Variants in KMT2A observed in about 807,000 individuals in gnomAD.
KMT2A encodes histone-lysine N-methyltransferase 2A.
A neutral mutation model predicts 345.3 loss-of-function variants in KMT2A; 16 were observed. That is an observed-to-expected ratio of 0.05 (90% CI 0.03 to 0.07). The LOEUF is 0.07. Ranked by LOEUF, KMT2A falls within the 10% of genes least tolerant of loss-of-function variation. The pLI, the probability that KMT2A is intolerant of heterozygous loss-of-function variation, is 1.00. For synonymous variants in KMT2A, 1,599 were observed against 1,778.6 expected (o/e 0.90, Z 2.54); for missense variants, 3,272 against 4,841.6 (o/e 0.68, Z 9.62).
chr11:118,517,288 C>T (rs1008034469), intron 31 of KMT2A, among the ~76,000 whole-genome samples: 8 of 148,200 alleles, frequency 5.4e-5, no homozygotes, highest in Non-Finnish European at 8.9e-5. Context: ...CCCAGCTACT[C>T]GGGAGGCTGA....
intron 1 of KMT2A, among the ~76,000 whole-genome samples, chr11:118,457,043 G>A (rs535839795): frequency 3.9e-5 from 6 of 151,982 alleles, no homozygotes; most frequent in African/African-American, 9.7e-5. Context: ...CCCTTAATCC[G>A]TATGGCCACT....
At chr11:118,463,058 T>C (rs1555033183) in intron 1 of KMT2A, among the ~76,000 whole-genome samples, 1 of 152,204 alleles carries the variant, frequency 6.6e-6, no homozygotes, top group African/African-American at 2.4e-5. Flanking sequence ...GTTTGAAATA[T>C]ATAAAAATGA....
Position 118,492,446 on chromosome 11 carries a change from G to A in KMT2A, c.5004+518G>A, listed in dbSNP as rs188680136. 7.2e-5 allele frequency among the ~76,000 whole-genome samples: 11 copies of A among 152,348 alleles called. No individual in the cohort carries two copies. The East Asian group carries it at 1.7e-3, about 24-fold the overall frequency. Reference sequence around the variant, plus strand: ...TGTAATCCCAGCACTTCGGGAGGCCGAGGCGGGCGGATCACGAGGTCAGGA... The same window carrying A: ...TGTAATCCCAGCACTTCGGGAGGCCAAGGCGGGCGGATCACGAGGTCAGGA... On this transcript the variant is annotated intron_variant, in intron 15 of 35. Coordinates refer to ENST00000534358, the MANE Select transcript of KMT2A (RefSeq NM_001197104.2).
intron 24 of KMT2A, 88 bp downstream of exon 24, chr11:118,500,001 T>G: frequency 2.4e-6 from 2 of 822,004 alleles, no homozygotes; most frequent in Non-Finnish European, 4.1e-6. Context: ...GAGGCATACC[T>G]GTTAGCTACT....
intron 1 of KMT2A, among the ~76,000 whole-genome samples, chr11:118,457,806 G>C (rs1285689284): frequency 6.6e-6 from 1 of 150,520 alleles, no homozygotes; most frequent in Non-Finnish European, 1.5e-5. Flanking sequence ...CTTTCTCCTT[G>C]AGTGGGTTAA....
At chr11:118,467,997 TAAAC>T (rs1555034524) in intron 1 of KMT2A, among the ~76,000 whole-genome samples, 2 of 152,170 alleles carry the variant, frequency 1.3e-5, no homozygotes, top group Non-Finnish European at 2.9e-5. Flanking sequence ...CAAAATAGGT[TAAAC>T]AAATCCTTTT....
chr11:118,482,360 G>T, intron 7 of KMT2A, 62 bp from the exon 8 acceptor site: 1 of 1,144,260 alleles, frequency 8.7e-7, no homozygotes, highest in Non-Finnish European at 1.3e-6. Flanking sequence ...TTCTTCACAG[G>T]TCAGTCAGTA....
At chr11:118,517,832 C>A (rs1404501837) in intron 31 of KMT2A, among the ~76,000 whole-genome samples, 2 of 152,286 alleles carry the variant, frequency 1.3e-5, no homozygotes, top group East Asian at 3.9e-4. Context: ...AAAGTGAAAC[C>A]TGTCTCTTAG....
intron 1 of KMT2A, among the ~76,000 whole-genome samples, chr11:118,453,856 C>G (rs954932002): frequency 3.9e-5 from 6 of 152,194 alleles, no homozygotes; most frequent in Non-Finnish European, 8.8e-5. Context: ...CTCTTACTTA[C>G]CATATCTAAA....
chr11:118,506,134 A>C lies in KMT2A; in HGVS notation c.10242A>C (p.Thr3414=), dbSNP rs1555048239. ...CAGGAATGTTTCCACAACTGGGGAC[A>C]TCACAGACCCCCTCTACTGCTGCAA... ...PSSGMFPQLG[T]SQTPSTAAIT... Residue 3414 remains threonine (T), a synonymous_variant, in exon 27 of 36, where the codon ACA becomes ACC. Coordinates refer to ENST00000534358, the MANE Select transcript of KMT2A (RefSeq NM_001197104.2). 1 of 1,614,190 alleles carries C rather than the reference A, an allele frequency of 6.2e-7. No individual in the cohort carries two copies. The highest frequency in any genetic ancestry group is 1.1e-5 in the South Asian group (1 of 91,088).
rs1407680791 is a variant in KMT2A at position 118,522,822 on chromosome 11, G to A, written c.*650G>A. The stretch of plus-strand genomic sequence containing the variant: ...TTGAGTGGGAGTGTTGCCCCCAGGA[G>A]CCTTATCTCAGCCAATTACCTTTCT... On this transcript the variant is annotated 3_prime_UTR_variant, in exon 36 of 36. Coordinates refer to ENST00000534358, the MANE Select transcript of KMT2A (RefSeq NM_001197104.2). This position sits in a 1 kb window ranked among gnomAD's most constrained non-coding sequence, Gnocchi z 5.4. 1.8e-5 allele frequency: 4 copies of A among 216,456 alleles called. No homozygotes were observed. The highest frequency in any genetic ancestry group is 3.7e-5 in the Non-Finnish European group (4 of 107,314). 13.4% of individuals were successfully genotyped at this position (216,456 alleles called of 1,614,324 possible). A position where few individuals can be genotyped will look rare whatever the true frequency, so the allele number is the denominator to read the frequency against.
In KMT2A at chr11:118,526,777, CTTTTT is replaced by C. The variant is rs1176366797; in HGVS notation, c.*4609_*4613del. Reference sequence around the variant, plus strand: ...TTTAAACATGTTTATTTTCTATGCACTTTTTTTTATTTAAGTGATAGTTTAATTAA... The same window carrying C: ...TTTAAACATGTTTATTTTCTATGCACTTTATTTAAGTGATAGTTTAATTAA... On this transcript the variant is annotated 3_prime_UTR_variant, in exon 36 of 36. Coordinates refer to ENST00000534358, the MANE Select transcript of KMT2A (RefSeq NM_001197104.2). 3 of 224,812 alleles carry C rather than the reference CTTTTT, an allele frequency of 1.3e-5. No individual in the cohort carries two copies. Among genetic ancestry groups the C allele is most frequent in the Admixed American group, 5.7e-5 (1 of 17,486 alleles). 13.9% of individuals were successfully genotyped at this position (224,812 alleles called of 1,614,324 possible).
chr11:118,465,462 T>C (rs1480258655), intron 1 of KMT2A, among the ~76,000 whole-genome samples: 2 of 152,232 alleles, frequency 1.3e-5, no homozygotes. Flanking sequence ...TCCATGAACC[T>C]TTTGAAGTCC....
Position 118,494,602 on chromosome 11 carries a change from C to A in KMT2A, c.5290-92C>A. 2.6e-6 allele frequency: 3 copies of A among 1,136,910 alleles called. No homozygotes were observed. The highest frequency in any genetic ancestry group is 3.9e-6 in the Non-Finnish European group (3 of 778,750). The allele number at this position is 1,136,910 out of a possible 1,614,324, so 70.4% of individuals were successfully genotyped here. On this transcript the variant is annotated intron_variant, in intron 17 of 35. Coordinates refer to ENST00000534358, the MANE Select transcript of KMT2A (RefSeq NM_001197104.2). This position sits in a 1 kb window ranked among gnomAD's most constrained non-coding sequence, Gnocchi z 5.8. ...TTTCTCTTGGTGGCCTGAAATTATC[C>A]TCGTATTAACAGAGAAGCTGGTTTG... is the stretch of plus-strand genomic sequence containing the variant.
Position 118,436,534 on chromosome 11 carries a change from C to T in KMT2A, c.22C>T (p.Arg8Cys), listed in dbSNP as rs2134151935. Residue 8 changes from arginine to cysteine, a missense_variant, in exon 1 of 36, where the codon CGC becomes TGC. By Grantham distance (180) the Arg-to-Cys change is radical. Coordinates refer to ENST00000534358, the MANE Select transcript of KMT2A (RefSeq NM_001197104.2). This position sits in a 1 kb window ranked among gnomAD's most constrained non-coding sequence, Gnocchi z 6.9. MAHSCRW[R>C]FPARPGTTGG... ...GAACATGGCGCACAGCTGTCGGTGG[C>T]GCTTCCCCGCCCGACCCGGGACCAC... 1 of 1,253,212 alleles carries T rather than the reference C, an allele frequency of 8.0e-7. No individual in the cohort carries two copies. 77.6% of individuals were successfully genotyped at this position (1,253,212 alleles called of 1,614,324 possible).
chr11:118,468,826 C>T lies in KMT2A; in HGVS notation c.484C>T (p.Pro162Ser). ...AGATGAAGAAGTCAGAGTGCGAAGTCCCACAAGGTCTCCTTCAGGTACGGC... is the reference window on the plus strand; with the variant it reads ...AGATGAAGAAGTCAGAGTGCGAAGTTCCACAAGGTCTCCTTCAGGTACGGC... The part of the protein sequence containing the change: ...GSDEEVRVRS[P>S]TRSPSVKTSP... The change falls in exon 2 of 36, where the codon CCC (proline) becomes TCC (serine). Residue 162 changes from proline (P) to serine (S), a missense_variant. Physicochemically the swap from Pro to Ser is moderately conservative, Grantham distance 74 (BLOSUM62 -1). Coordinates refer to ENST00000534358, the MANE Select transcript of KMT2A (RefSeq NM_001197104.2). 2 of 1,613,020 alleles carry T rather than the reference C, an allele frequency of 1.2e-6. No individual in the cohort carries two copies. The highest frequency in any genetic ancestry group is 1.7e-6 in the Non-Finnish European group (2 of 1,179,278).
In KMT2A at chr11:118,436,559, C is replaced by G; in HGVS notation, c.47C>G (p.Thr16Ser). Residue 16 changes from threonine to serine, a missense_variant, in exon 1 of 36, where the codon ACC (threonine) becomes AGC (serine). By Grantham distance (58) the Thr-to-Ser change is moderately conservative. Transcript: ENST00000534358. This position sits in a 1 kb window ranked among gnomAD's most constrained non-coding sequence, Gnocchi z 6.9. ...RWRFPARPGT[T>S]GGGGGGGRRG... ...CGCTTCCCCGCCCGACCCGGGACCA[C>G]CGGGGGCGGCGGCGGCGGGGGGCGC... is the stretch of plus-strand genomic sequence containing the variant. The G allele has an allele frequency of 8.2e-7, 1 of 1,215,354 alleles. No individual in the cohort carries two copies. The highest frequency in any genetic ancestry group is 1.0e-6 in the Non-Finnish European group (1 of 965,380). The allele number at this position is 1,215,354 out of a possible 1,614,324, so 75.3% of individuals were successfully genotyped here.
rs904034826 is a variant in KMT2A at position 118,480,382 on chromosome 11, C to A, written c.3634+144C>A. On this transcript the variant is annotated intron_variant, in intron 6 of 35. Transcript: ENST00000534358. ...GATTGTTGAAGCTAGGTAATAGGTA[C>A]ATGGGGGTTGATTGGACTATTTCCT... 1.0e-5 allele frequency: 5 copies of A among 500,348 alleles called. No individual in the cohort carries two copies. In the East Asian group the frequency reaches 1.6e-4, roughly 16 times the overall value. 31.0% of individuals were successfully genotyped at this position (500,348 alleles called of 1,614,324 possible). A position where few individuals can be genotyped will look rare whatever the true frequency, so the allele number is the denominator to read the frequency against.
chr11:118,449,884 T>C (rs1372556335), intron 1 of KMT2A: 1 of 152,146 alleles, frequency 6.6e-6, no homozygotes, highest in African/African-American at 2.4e-5. Context: ...AGTTTTATAG[T>C]AGAAGTTTGT....
Sources: gnomAD v4.1 joint callset for allele counts (sites outside exome capture counted in the v4.1 genomes callset) on GRCh38, gnomAD v4.1.1 for gene constraint, Gnocchi (gnomAD v3.1) non-coding constraint, MANE v1.5 for transcripts, NCBI Gene and HGNC (gene_info 2026-07-23, HGNC 2026-07-21) for gene names.